SPATA1: variants seen among roughly 807,000 people sequenced by gnomAD.
SPATA1 encodes spermatogenesis-associated protein 1.
Under a neutral mutation model 59.6 loss-of-function variants are expected in SPATA1, and 57 were observed. The observed-to-expected ratio is 0.96, with a 90% CI of 0.77 to 1.19. The LOEUF (loss-of-function observed/expected upper bound fraction) is 1.19, where lower values mean the gene tolerates loss of function less well. Among genes scored for constraint, SPATA1 ranks in the 50% most tolerant of loss-of-function variants. The pLI is 0.00. For missense variants in SPATA1, 448 were observed against 480.7 expected, an observed-to-expected ratio of 0.93 and a Z score of 0.64; for synonymous variants, 147 against 163.9, an observed-to-expected ratio of 0.90 and a Z score of 0.79.
intron 4 of SPATA1, among the ~76,000 whole-genome samples, chr1:84,523,663 G>A (rs575435037): frequency 1.3e-5 from 2 of 152,266 alleles, no homozygotes; most frequent in South Asian, 4.1e-4. Context: ...ATAATTTGCT[G>A]TGTGAGATTC....
At chr1:84,558,491 C>G (rs1684519976), downstream of SPATA1, among the ~76,000 whole-genome samples, 1 of 151,222 alleles carries the variant, frequency 6.6e-6, no homozygotes, top group Non-Finnish European at 1.5e-5. Flanking sequence ...CGGGGTTTCA[C>G]CGTTTTAGCC....
chr1:84,558,061 G>A (rs1241466878), downstream of SPATA1, among the ~76,000 whole-genome samples: 1 of 151,954 alleles, frequency 6.6e-6, no homozygotes, highest in African/African-American at 2.4e-5. Flanking sequence ...TTTCAATTAG[G>A]AACAATAAAT....
intron 6 of SPATA1, among the ~76,000 whole-genome samples, chr1:84,532,303 C>G (rs1320179740): frequency 6.6e-6 from 1 of 152,140 alleles, no homozygotes; most frequent in Non-Finnish European, 1.5e-5. Flanking sequence ...CAAGACAAGC[C>G]TTGCCAACCT....
intron 10 of SPATA1, 108 bp from the exon 11 acceptor site, chr1:84,548,678 A>C (rs1017350391): frequency 2.4e-6 from 3 of 1,256,830 alleles, no homozygotes; most frequent in East Asian, 6.2e-5. Context: ...AAATGGTTTA[A>C]ATTGACATTA....
chr1:84,554,976 C>T, downstream of SPATA1: 1 of 1,596,892 alleles, frequency 6.3e-7, no homozygotes, highest in Non-Finnish European at 8.6e-7. Context: ...CTTTCTAACT[C>T]TTAATGGTTT....
chr1:84,507,154 C>T (rs1379960862), intron 1 of SPATA1: 1 of 152,108 alleles, frequency 6.6e-6, no homozygotes, highest in Non-Finnish European at 1.5e-5. Context: ...TGTGTTATGT[C>T]ACAGCACTAA....
At chr1:84,556,353 G>A (rs778025569), downstream of SPATA1, among the ~76,000 whole-genome samples, 1 of 152,004 alleles carries the variant, frequency 6.6e-6, no homozygotes, top group Non-Finnish European at 1.5e-5. Flanking sequence ...CTCCTTAAAG[G>A]CATTTCTGAA....
intron 6 of SPATA1, among the ~76,000 whole-genome samples, chr1:84,529,556 G>A (rs1437361838): frequency 6.7e-6 from 1 of 148,726 alleles, no homozygotes. Context: ...TAAAGTTTGG[G>A]AAGAATGCAG....
chr1:84,545,222 AAT>A (rs1444782723), intron 9 of SPATA1, among the ~76,000 whole-genome samples: 1 of 148,554 alleles, frequency 6.7e-6, no homozygotes. Context: ...ATCTCAAAAA[AAT>A]ATATATATAT....
intron 3 of SPATA1, among the ~76,000 whole-genome samples, chr1:84,521,560 T>C (rs1478280485): frequency 6.6e-6 from 1 of 152,156 alleles, no homozygotes; most frequent in Non-Finnish European, 1.5e-5. Context: ...TTTACTCACA[T>C]ATTACCTTTT....
intron 8 of SPATA1, among the ~76,000 whole-genome samples, chr1:84,539,152 T>C (rs1166409595): frequency 6.6e-6 from 1 of 152,140 alleles, no homozygotes; most frequent in Non-Finnish European, 1.5e-5. Context: ...TGATGTATAG[T>C]AGATTGGAAT....
intron 6 of SPATA1, among the ~76,000 whole-genome samples, chr1:84,530,020 C>T (rs1683406091): frequency 6.6e-6 from 1 of 152,056 alleles, no homozygotes; most frequent in African/African-American, 2.4e-5. Context: ...CCATGCCCGG[C>T]TAATTTTTTT....
At chr1:84,566,204 G>A (rs1684696736), downstream of SPATA1, 2 of 268,612 alleles carry the variant, frequency 7.4e-6, no homozygotes, top group Admixed American at 1.1e-4. Context: ...ACACTTGACT[G>A]AGTCAGACAT....
chr1:84,562,356 C>T (rs924133477), intron 4 of SPATA1, among the ~76,000 whole-genome samples: 2 of 151,776 alleles, frequency 1.3e-5, no homozygotes. Context: ...TAGGTATATA[C>T]TTTCAGTTCC....
chr1:84,532,937 G>T lies in SPATA1; in HGVS notation c.622G>T (p.Glu208Ter). The change falls in exon 7 of 13, where the codon GAA (glutamate) becomes TAA (stop). Residue 208 changes from glutamate to a stop codon, truncating the protein, a stop_gained. Coordinates refer to ENST00000490879, the Ensembl canonical transcript of SPATA1. LOFTEE classifies it high-confidence loss of function. ...AAATTCTGAGTTGCCAGGATCATTG[G>T]AAGATTCAAATAATGATTGCTTTGG... The T allele has an allele frequency of 6.4e-7, 1 of 1,551,910 alleles. No homozygotes were observed. Among genetic ancestry groups the T allele is most frequent in the South Asian group, 1.2e-5 (1 of 84,030 alleles).
At chr1:84,512,036 G>C (rs1055098831) in intron 1 of SPATA1, among the ~76,000 whole-genome samples, 3 of 152,122 alleles carry the variant, frequency 2.0e-5, no homozygotes, top group African/African-American at 7.2e-5. Flanking sequence ...TTAAATTGAT[G>C]AGAATTTTAT....
intron 6 of SPATA1, among the ~76,000 whole-genome samples, chr1:84,530,203 A>T (rs1457682191): frequency 6.6e-6 from 1 of 152,156 alleles, no homozygotes; most frequent in Non-Finnish European, 1.5e-5. Context: ...TTAAGGTAGC[A>T]TAGAGAACTC....
Position 84,545,611 on chromosome 1 carries a change from A to C in SPATA1, c.821-23A>C, listed in dbSNP as rs1684060481. 5.4e-6 allele frequency: 8 copies of C among 1,492,034 alleles called. No individual in the cohort carries two copies. In the South Asian group the frequency reaches 1.1e-4, roughly 21 times the overall value. The allele number at this position is 1,492,034 out of a possible 1,614,324, so 92.4% of individuals were successfully genotyped here. ...ATCTTTCAGCTTTGAGACATTGATG[A>C]ATATGAGTTATAATCTCTTTAGGAG... On this transcript the variant is annotated intron_variant, in intron 9 of 12. Transcript: ENST00000490879.
At chr1:84,512,403 G>T (rs1319115660) in intron 1 of SPATA1, among the ~76,000 whole-genome samples, 1 of 152,170 alleles carries the variant, frequency 6.6e-6, no homozygotes, top group Non-Finnish European at 1.5e-5. Flanking sequence ...CCCAATCAAT[G>T]TGATTACCTT....
Sources: allele counts gnomAD v4.1 joint callset (sites outside exome capture counted in the v4.1 genomes callset), GRCh38; gene constraint gnomAD v4.1.1; transcripts MANE v1.5; gene names NCBI Gene and HGNC (gene_info 2026-07-23, HGNC 2026-07-21).